IGDCC4: variants seen among roughly 807,000 people sequenced by gnomAD.
IGDCC4 encodes immunoglobulin superfamily DCC subclass member 4.
In IGDCC4, 72 loss-of-function variants were observed where a neutral mutation model predicts 116.6. The observed-to-expected ratio is 0.62, with a 90% CI of 0.51 to 0.75. The LOEUF (loss-of-function observed/expected upper bound fraction) is 0.75, where lower values mean the gene tolerates loss of function less well. IGDCC4 is among the 30% of genes least tolerant of loss of function. The pLI, the probability that IGDCC4 is intolerant of heterozygous loss-of-function variation, is 0.00. For missense variants in IGDCC4, 1,501 were observed against 1,662.4 expected, an observed-to-expected ratio of 0.90 and a Z score of 1.69; for synonymous variants, 709 against 719.9, an observed-to-expected ratio of 0.98 and a Z score of 0.24.
chr15:65,402,972 C>T (rs1005658532), intron 3 of IGDCC4, among the ~76,000 whole-genome samples: 2 of 152,210 alleles, frequency 1.3e-5, no homozygotes, highest in Non-Finnish European at 2.9e-5. Flanking sequence ...GAGGAAGGCA[C>T]TCCTGCCTCG....
At chr15:65,413,638 T>A (rs1409425416) in intron 1 of IGDCC4, among the ~76,000 whole-genome samples, 3 of 152,208 alleles carry the variant, frequency 2.0e-5, no homozygotes. Flanking sequence ...TGCCTCCTTG[T>A]CTTATAAAAG....
Position 65,384,880 on chromosome 15 carries a change from G to T in IGDCC4, c.3342+74C>A. ...AAGTTACCACCCAGGGGTCTCCAGA[G>T]AACTCATTACTTCCTCTTCACAAGC... is the stretch of plus-strand genomic sequence containing the variant. On this transcript the variant is annotated intron_variant, in intron 19 of 19. Transcript: ENST00000352385. This position sits in a 1 kb window ranked among gnomAD's most constrained non-coding sequence, Gnocchi z 4.9. The T allele has an allele frequency of 6.5e-7, 1 of 1,532,904 alleles. No individual in the cohort carries two copies. The highest frequency in any genetic ancestry group is 8.8e-7 in the Non-Finnish European group (1 of 1,139,292). 95.0% of individuals were successfully genotyped at this position (1,532,904 alleles called of 1,614,324 possible). A position where few individuals can be genotyped will look rare whatever the true frequency, so the allele number is the denominator to read the frequency against.
chr15:65,411,214 C>T lies in IGDCC4; in HGVS notation c.227G>A (p.Gly76Glu), dbSNP rs765952178. 2 of 1,614,058 alleles carry T rather than the reference C, an allele frequency of 1.2e-6. No homozygotes were observed. The highest frequency in any genetic ancestry group is 2.7e-5 in the African/African-American group (2 of 74,948). The part of the protein sequence containing the change: ...PPTRVTWSKD[G>E]DTLLEHDHLH... ...GTGGTCGTGCTCCAGCAGGGTGTCC[C>T]CATCCTTGCTCCAGGTCACCCTGGT... is the stretch of plus-strand genomic sequence containing the variant. The change falls in exon 2 of 20, where the codon GGG (glycine) becomes GAG (glutamate). Residue 76 changes from glycine (G) to glutamate (E), a missense_variant. Transcript: ENST00000352385.
At chr15:65,389,094 G>A in intron 14 of IGDCC4, 116 bp from the exon 15 acceptor site, 1 of 1,084,302 alleles carries the variant, frequency 9.2e-7, no homozygotes, top group Non-Finnish European at 1.3e-6. Flanking sequence ...GATGAGGTCT[G>A]GTTTCTAGTT....
Position 65,381,818 on chromosome 15 carries a change from C to G in IGDCC4, c.*2191G>C, listed in dbSNP as rs879107674. 1 of 152,566 alleles carries G rather than the reference C, an allele frequency of 6.6e-6. No individual in the cohort carries two copies. Among genetic ancestry groups the G allele is most frequent in the Admixed American group, 6.5e-5 (1 of 15,272 alleles). The allele number at this position is 152,566 out of a possible 1,614,324, so 9.5% of individuals were successfully genotyped here. On this transcript the variant is annotated 3_prime_UTR_variant, in exon 20 of 20. Coordinates refer to ENST00000352385, the MANE Select transcript of IGDCC4 (RefSeq NM_020962.3). ...CACAAACCTAACACTTCCAAATTACCCAGAGCCCAAATCATATATAGTGCT... is the reference window on the plus strand; with the variant it reads ...CACAAACCTAACACTTCCAAATTACGCAGAGCCCAAATCATATATAGTGCT...
At chr15:65,410,472 C>A in intron 2 of IGDCC4, 153 bp from the exon 3 acceptor site, 1 of 847,716 alleles carries the variant, frequency 1.2e-6, no homozygotes, top group South Asian at 1.7e-5. Context: ...GGAGACACAA[C>A]AAGAAGTGGT....
intron 1 of IGDCC4, among the ~76,000 whole-genome samples, chr15:65,413,729 G>C (rs1324708047): frequency 1.3e-5 from 2 of 152,170 alleles, no homozygotes; most frequent in Non-Finnish European, 2.9e-5. Flanking sequence ...GAGGAACCAG[G>C]GCCAGAGGTC....
chr15:65,400,681 T>C lies in IGDCC4; in HGVS notation c.841+125A>G, dbSNP rs1431685671. 3 of 1,216,410 alleles carry C rather than the reference T, an allele frequency of 2.5e-6. No homozygotes were observed. In the African/African-American group the frequency reaches 4.6e-5, roughly 19 times the overall value. 75.4% of individuals were successfully genotyped at this position (1,216,410 alleles called of 1,614,324 possible). On this transcript the variant is annotated intron_variant, in intron 5 of 19. Coordinates refer to ENST00000352385, the MANE Select transcript of IGDCC4 (RefSeq NM_020962.3). The stretch of plus-strand genomic sequence containing the variant: ...ACCACACCCAGCCCTGGGAAAGGAG[T>C]TCGTGCCACACCAGAAGGTTCGTGA...
At position 65,396,178 on chromosome 15, in the gene IGDCC4, G is replaced by C; in HGVS notation, c.998-15C>G. The C allele has an allele frequency of 4.0e-6, 6 of 1,498,590 alleles. No homozygotes were observed. The highest frequency in any genetic ancestry group is 5.3e-6 in the Non-Finnish European group (6 of 1,129,476). 92.8% of individuals were successfully genotyped at this position (1,498,590 alleles called of 1,614,324 possible). On this transcript the variant is annotated splice_polypyrimidine_tract_variant and intron_variant, in intron 6 of 19. Transcript: ENST00000352385. ...GGCGGGAGCCGCTAGGGGCGCGAGGGGCGACGCTGAGCGCGGGATCCCGCA... is the reference window on the plus strand; with the variant it reads ...GGCGGGAGCCGCTAGGGGCGCGAGGCGCGACGCTGAGCGCGGGATCCCGCA...
chr15:65,418,917 A>T (rs942095104), intron 1 of IGDCC4, among the ~76,000 whole-genome samples: 2 of 152,174 alleles, frequency 1.3e-5, no homozygotes, highest in African/African-American at 2.4e-5. Context: ...GAAGGTATAG[A>T]GGAGTGCAAA....
Position 65,382,262 on chromosome 15 carries a change from T to C in IGDCC4, c.*1747A>G, listed in dbSNP as rs2091407072. 6.6e-6 allele frequency: 1 copy of C among 152,210 alleles called. No homozygotes were observed. Among genetic ancestry groups the C allele is most frequent in the African/African-American group, 2.4e-5 (1 of 41,356 alleles). The allele number at this position is 152,210 out of a possible 1,614,324, so 9.4% of individuals were successfully genotyped here. On this transcript the variant is annotated 3_prime_UTR_variant, in exon 20 of 20. Coordinates refer to ENST00000352385, the MANE Select transcript of IGDCC4 (RefSeq NM_020962.3). ...CAAAACCAACATTAATAATCTTTAG[T>C]GTTATCATAGGCTGGCTGAAGGAGG... is the stretch of plus-strand genomic sequence containing the variant.
Position 65,396,148 on chromosome 15 carries a change from G to A in IGDCC4, c.1013C>T (p.Thr338Ile). 2.0e-6 allele frequency: 3 copies of A among 1,485,896 alleles called. No homozygotes were observed. Among genetic ancestry groups the A allele is most frequent in the African/African-American group, 2.9e-5 (2 of 69,730 alleles). The allele number at this position is 1,485,896 out of a possible 1,614,324, so 92.0% of individuals were successfully genotyped here. ...CCGCGACAGCGCCTCGGGCGCCTGA[G>A]TGATGGCGGGAGCCGCTAGGGGCGC... ...ELRVLAAPAITQAPEALSRTR... is the reference protein window; with the variant it reads ...ELRVLAAPAIIQAPEALSRTR... Residue 338 changes from threonine (T) to isoleucine (I), a missense_variant, in exon 7 of 20, where the codon ACT (threonine) becomes ATT (isoleucine). Thr to Ile is a moderately conservative substitution (Grantham distance 89, BLOSUM62 -1). This residue lies in a region of IGDCC4 where 898 missense variants were observed against 978.9 expected (regional missense o/e 0.92). Coordinates refer to ENST00000352385, the MANE Select transcript of IGDCC4 (RefSeq NM_020962.3).
At chr15:65,411,421 A>C (rs1335672446) in intron 1 of IGDCC4, 51 bp from the exon 2 acceptor site, 2 of 1,438,432 alleles carry the variant, frequency 1.4e-6, no homozygotes. Context: ...CCCACCTCCC[A>C]CAGCCTCTGC....
In IGDCC4 at chr15:65,399,837, T is replaced by G. The variant is rs575869571; in HGVS notation, c.841+969A>C. Among the ~76,000 whole-genome samples, 8 of 152,340 alleles carry G rather than the reference T, an allele frequency of 5.3e-5. No individual in the cohort carries two copies. The South Asian group carries it at 1.7e-3, about 32-fold the overall frequency. ...ATATTTTTAAAGATGTATAGAGTAA[T>G]AGAATGAGTTGGGGAAAGGGGTAAA... is the stretch of plus-strand genomic sequence containing the variant. On this transcript the variant is annotated intron_variant, in intron 5 of 19. Transcript: ENST00000352385.
At chr15:65,395,668 C>T (rs2140206200) in intron 7 of IGDCC4, 82 bp downstream of exon 7, 1 of 1,349,488 alleles carries the variant, frequency 7.4e-7, no homozygotes, top group South Asian at 1.7e-5. Flanking sequence ...ATCAGGCAAC[C>T]CTTCAGTCAT....
chr15:65,410,421 C>T, intron 2 of IGDCC4, 102 bp from the exon 3 acceptor site: 2 of 1,396,536 alleles, frequency 1.4e-6, no homozygotes, highest in East Asian at 4.7e-5. Context: ...CACAGAAACA[C>T]ACAGTCACAG....
chr15:65,408,206 G>A (rs1364636091), intron 3 of IGDCC4, among the ~76,000 whole-genome samples: 2 of 152,224 alleles, frequency 1.3e-5, no homozygotes, highest in South Asian at 2.1e-4. Context: ...GGCTCAGCAC[G>A]TGCCTGGCCC....
In IGDCC4 at chr15:65,394,745, A is replaced by G. The variant is rs575036760; in HGVS notation, c.1577-197T>C. Among the ~76,000 whole-genome samples the G allele has an allele frequency of 5.3e-5, 8 of 152,282 alleles. No individual in the cohort carries two copies. The East Asian group carries it at 1.4e-3, about 26-fold the overall frequency. ...ACATCTTTCCCACCCTGAAGCTGGA[A>G]AAAGTCTTGGAGCACAATCTTCCAC... On this transcript the variant is annotated intron_variant, in intron 8 of 19. Transcript: ENST00000352385.
Position 65,384,520 on chromosome 15 carries a change from G to A in IGDCC4, c.3343-101C>T, listed in dbSNP as rs1291442447. ...GCAGAAAGTCTGACCCTCCATCAGA[G>A]TAAGTATCACATGGGAGTCGGTGAA... On this transcript the variant is annotated intron_variant, in intron 19 of 19. Coordinates refer to ENST00000352385, the MANE Select transcript of IGDCC4 (RefSeq NM_020962.3). The surrounding 1 kb of genome is among the most constrained non-coding windows in gnomAD (Gnocchi z 4.9). 5.1e-6 allele frequency: 6 copies of A among 1,184,404 alleles called. No individual in the cohort carries two copies. The highest frequency in any genetic ancestry group is 5.8e-6 in the Non-Finnish European group (5 of 862,072). 73.4% of individuals were successfully genotyped at this position (1,184,404 alleles called of 1,614,324 possible).
Sources: allele counts gnomAD v4.1 joint callset (sites outside exome capture counted in the v4.1 genomes callset), GRCh38; gene constraint gnomAD v4.1.1; regional missense constraint gnomAD v4.1.1; non-coding constraint Gnocchi (gnomAD v3.1); transcripts MANE v1.5; gene names NCBI Gene and HGNC (gene_info 2026-07-23, HGNC 2026-07-21).